The following ZNF25 variants were observed in gnomAD, a reference collection of about 807,000 sequenced individuals.
ZNF25 encodes the protein zinc finger protein 25 (KOX 19).
A neutral mutation model predicts 30.9 loss-of-function variants in ZNF25; 21 were observed. The observed-to-expected ratio is 0.68, with a 90% confidence interval of 0.48 to 0.98. The LOEUF is 0.98. Ranked by LOEUF, ZNF25 falls within the 50% of genes least tolerant of loss-of-function variation. The pLI, the probability that ZNF25 is intolerant of heterozygous loss-of-function variation, is 0.00. For synonymous variants in ZNF25, 169 were observed against 181.3 expected (o/e 0.93, Z 0.55); for missense variants, 501 against 529.9 (o/e 0.95, Z 0.54).
At chr10:37,953,780 A>G in intron 4 of ZNF25, 22 bp from the exon 5 acceptor site, 1 of 1,591,878 alleles carries the variant, frequency 6.3e-7, no homozygotes, top group Non-Finnish European at 8.6e-7. Context: ...CCAAAAATGT[A>G]ATACTTTATA....
intron 4 of ZNF25, among the ~76,000 whole-genome samples, chr10:37,955,357 C>T (rs761165026): frequency 6.6e-6 from 1 of 152,126 alleles, no homozygotes; most frequent in African/African-American, 2.4e-5. Context: ...GGACTTAATA[C>T]TGAGTCAGTA....
Position 37,951,031 on chromosome 10 carries a change from CTATA to C in ZNF25, c.*1092_*1095del, listed in dbSNP as rs1564741774. The C allele has an allele frequency of 1.3e-5, 2 of 152,082 alleles. No homozygotes were observed. The allele number at this position is 152,082 out of a possible 1,614,324, so 9.4% of individuals were successfully genotyped here. A position where few individuals can be genotyped will look rare whatever the true frequency, so the allele number is the denominator to read the frequency against. ...TGTTTAAAAACAGCTCAGGCTTTTG[CTATA>C]TATAAATGTGTCCCTAATGCAAAAC... On this transcript the variant is annotated 3_prime_UTR_variant, in exon 6 of 6. Transcript: ENST00000302609.
Position 37,950,223 on chromosome 10 carries a change from C to T in ZNF25, c.*1904G>A, listed in dbSNP as rs201819379. On this transcript the variant is annotated 3_prime_UTR_variant, in exon 6 of 6. Coordinates refer to ENST00000302609, the MANE Select transcript of ZNF25 (RefSeq NM_145011.4). ...ACTACTCAACTCTGCTGGGGTAGTG[C>T]AAAGACAGCCACAGGTCAAACATAA... 1 of 152,628 alleles carries T rather than the reference C, an allele frequency of 6.6e-6. No individual in the cohort carries two copies. The highest frequency in any genetic ancestry group is 2.1e-4 in the South Asian group (1 of 4,834). The allele number at this position is 152,628 out of a possible 1,614,324, so 9.5% of individuals were successfully genotyped here.
In ZNF25 at chr10:37,952,381, T is replaced by C; in HGVS notation, c.1117A>G (p.Thr373Ala). ...KHTGEKPYEC[T>A]ECGKSFAVNS... Reference sequence around the variant, plus strand: ...ACAGCAAAAGATTTGCCACATTCTGTGCATTCATAGGGCTTCTCCCCTGTG... The same window carrying C: ...ACAGCAAAAGATTTGCCACATTCTGCGCATTCATAGGGCTTCTCCCCTGTG... The change falls in exon 6 of 6, where the codon ACA becomes GCA. Residue 373 changes from threonine to alanine, a missense_variant. Coordinates refer to ENST00000302609, the MANE Select transcript of ZNF25 (RefSeq NM_145011.4). 1 of 1,613,434 alleles carries C rather than the reference T, an allele frequency of 6.2e-7. No individual in the cohort carries two copies. The highest frequency in any genetic ancestry group is 8.5e-7 in the Non-Finnish European group (1 of 1,179,808).
chr10:37,963,983 A>T (rs2063038595), intron 2 of ZNF25, among the ~76,000 whole-genome samples: 1 of 152,066 alleles, frequency 6.6e-6, no homozygotes, highest in East Asian at 1.9e-4. Flanking sequence ...TCAAAAAATA[A>T]ATAAGCAAAT....
At chr10:37,957,178 TG>T in intron 3 of ZNF25, 63 bp from the exon 4 acceptor site, 1 of 1,500,706 alleles carries the variant, frequency 6.7e-7, no homozygotes, top group Admixed American at 1.7e-5. Flanking sequence ...CTGTGAAAGA[TG>T]AGGAAGTGGA....
chr10:37,956,417 G>A (rs1477837709), intron 4 of ZNF25, among the ~76,000 whole-genome samples: 1 of 152,156 alleles, frequency 6.6e-6, no homozygotes, highest in Non-Finnish European at 1.5e-5. Flanking sequence ...AGTAACTGGC[G>A]ATTCTAGACA....
chr10:37,952,913 G>C lies in ZNF25; in HGVS notation c.585C>G (p.Thr195=), dbSNP rs1185958833. Residue 195 remains threonine, a synonymous_variant, in exon 6 of 6, where the codon ACC becomes ACG. Transcript: ENST00000302609. ...HLSSLSRHLR[T]HAGEKPYECN... Reference sequence around the variant, plus strand: ...ATTCATAGGGTTTCTCTCCTGCATGGGTTCTCAGATGTCTACTGAGAGATG... The same window carrying C: ...ATTCATAGGGTTTCTCTCCTGCATGCGTTCTCAGATGTCTACTGAGAGATG... 6.2e-7 allele frequency: 1 copy of C among 1,614,058 alleles called. No individual in the cohort carries two copies. Among genetic ancestry groups the C allele is most frequent in the Non-Finnish European group, 8.5e-7 (1 of 1,180,004 alleles).
Position 37,953,706 on chromosome 10 carries a change from A to G in ZNF25, c.291T>C (p.Ala97=). Residue 97 remains alanine (A), a synonymous_variant, in exon 5 of 6, where the codon GCT becomes GCC. Transcript: ENST00000302609. ...DLEARYQESQ[A]GNSRNGELTK... ...ATTCTTGAACTTGCCTTGAATTTCC[A>G]GCTTGGCTTTCCTGGTATCTTGCTT... 6.2e-7 allele frequency: 1 copy of G among 1,614,016 alleles called. No homozygotes were observed. The highest frequency in any genetic ancestry group is 2.2e-5 in the East Asian group (1 of 44,874).
At chr10:37,966,698 C>A (rs904593356) in intron 2 of ZNF25, among the ~76,000 whole-genome samples, 2 of 152,166 alleles carry the variant, frequency 1.3e-5, no homozygotes, top group African/African-American at 4.8e-5. Context: ...ATCTAATCAC[C>A]TCCCACCAGG....
At chr10:37,964,544 C>T (rs191090670) in intron 2 of ZNF25, among the ~76,000 whole-genome samples, 99 of 152,252 alleles carry the variant, frequency 6.5e-4, no homozygotes, top group Non-Finnish European at 3.4e-4. Context: ...GCATGTCCTA[C>T]GGATCTGTGG....
At chr10:37,963,036 A>G (rs1199096638) in intron 2 of ZNF25, among the ~76,000 whole-genome samples, 2 of 123,872 alleles carry the variant, frequency 1.6e-5, no homozygotes, top group Non-Finnish European at 3.3e-5. Flanking sequence ...ATAGAATCAA[A>G]CTTTTTGGAA....
chr10:37,953,292 C>T, intron 5 of ZNF25, 97 bp from the exon 6 acceptor site: 1 of 1,144,102 alleles, frequency 8.7e-7, no homozygotes, highest in Non-Finnish European at 1.2e-6. Flanking sequence ...CCTCTGAGGA[C>T]CGATTTCTAG....
chr10:37,966,127 A>G (rs2063168977), intron 2 of ZNF25, among the ~76,000 whole-genome samples: 1 of 152,140 alleles, frequency 6.6e-6, no homozygotes, highest in Non-Finnish European at 1.5e-5. Context: ...TGCTATAAAG[A>G]ACTACCTAAG....
intron 5 of ZNF25, 27 bp downstream of exon 5, chr10:37,953,668 A>C: frequency 6.2e-7 from 1 of 1,608,322 alleles, no homozygotes; most frequent in Non-Finnish European, 8.5e-7. Flanking sequence ...CAAATCTTCT[A>C]TCTTAAACAT....
intron 2 of ZNF25, among the ~76,000 whole-genome samples, chr10:37,961,391 C>T (rs1028701710): frequency 6.6e-6 from 1 of 152,078 alleles, no homozygotes; most frequent in Non-Finnish European, 1.5e-5. Context: ...TGACATATGA[C>T]TTCTCATATG....
chr10:37,971,577 C>T, intron 2 of ZNF25, 131 bp downstream of exon 2: 1 of 1,461,762 alleles, frequency 6.8e-7, no homozygotes, highest in South Asian at 1.2e-5. Flanking sequence ...TGATTTTTAA[C>T]TATTTCTACG....
chr10:37,972,717 C>A (rs1246512608), intron 1 of ZNF25, among the ~76,000 whole-genome samples: 1 of 152,148 alleles, frequency 6.6e-6, no homozygotes, highest in African/African-American at 2.4e-5. Flanking sequence ...CAGCAGAAAC[C>A]ATGCAGGGCA....
chr10:37,963,031 A>T (rs985935046), intron 2 of ZNF25, among the ~76,000 whole-genome samples: 1 of 144,546 alleles, frequency 6.9e-6, no homozygotes, highest in Non-Finnish European at 1.5e-5. Context: ...AACTGATAGA[A>T]TCAAACTTTT....
Sources: allele counts gnomAD v4.1 joint callset (sites outside exome capture counted in the v4.1 genomes callset), GRCh38; gene constraint gnomAD v4.1.1; transcripts MANE v1.5; gene names NCBI Gene and HGNC (gene_info 2026-07-23, HGNC 2026-07-21).